POGK: variants seen among roughly 807,000 people sequenced by gnomAD.
The protein encoded by POGK is pogo transposable element with KRAB domain.
POGK carries 16 observed loss-of-function variants against 54.4 expected under a neutral mutation model. That is an observed-to-expected ratio of 0.29 (90% CI 0.20 to 0.45). POGK has a LOEUF of 0.45. POGK is among the 20% of genes least tolerant of loss of function. POGK has a pLI of 1.00. For synonymous variants in POGK, 271 were observed against 302.2 expected (o/e 0.90, Z 1.07); for missense variants, 515 against 795.6 (o/e 0.65, Z 4.24).
intron 2 of POGK, among the ~76,000 whole-genome samples, 177 bp from the exon 3 acceptor site, chr1:166,846,435 T>A (rs556746772): frequency 1.6e-4 from 25 of 152,332 alleles, no homozygotes; most frequent in Non-Finnish European, 3.1e-4. Flanking sequence ...GCTCTTGCCC[T>A]TGTTGGCTTC....
chr1:166,849,024 A>G lies in POGK; in HGVS notation c.445A>G (p.Ser149Gly), dbSNP rs1473163582. 6.2e-7 allele frequency: 1 copy of G among 1,614,188 alleles called. No homozygotes were observed. The highest frequency in any genetic ancestry group is 2.2e-5 in the East Asian group (1 of 44,870). ...GTTTCCTCAGCCTCAGCACTTTGAC[A>G]GCTTTGGCCTCCGTCTGCCTCGGGA... ...SQFPQPQHFD[S>G]FGLRLPRDIT... Residue 149 changes from serine (S) to glycine (G), a missense_variant, in exon 5 of 6, where the codon AGC becomes GGC. This residue lies in a region of POGK where 461 missense variants were observed against 743.5 expected (regional missense o/e 0.62). Coordinates refer to ENST00000367876, the MANE Select transcript of POGK (RefSeq NM_017542.5).
intron 2 of POGK, 108 bp downstream of exon 2, chr1:166,841,196 C>G: frequency 6.9e-7 from 1 of 1,442,352 alleles, no homozygotes; most frequent in South Asian, 1.4e-5. Context: ...AATAGCCCAG[C>G]CCGGTGTGTT....
chr1:166,853,185 C>G lies in POGK; in HGVS notation c.*615C>G, dbSNP rs1658143910. 1 of 152,612 alleles carries G rather than the reference C, an allele frequency of 6.6e-6. No homozygotes were observed. The highest frequency in any genetic ancestry group is 6.5e-5 in the Admixed American group (1 of 15,284). 9.5% of individuals were successfully genotyped at this position (152,612 alleles called of 1,614,324 possible). A position where few individuals can be genotyped will look rare whatever the true frequency, so the allele number is the denominator to read the frequency against. On this transcript the variant is annotated 3_prime_UTR_variant, in exon 6 of 6. Transcript: ENST00000367876. Reference sequence around the variant, plus strand: ...AAAATTAAGACATACTGGCCTGGTGCCAGCAGATGGCTTTTCTATAGACAA... The same window carrying G: ...AAAATTAAGACATACTGGCCTGGTGGCAGCAGATGGCTTTTCTATAGACAA...
chr1:166,851,011 GA>G (rs557780155), intron 5 of POGK: 13 of 152,344 alleles, frequency 8.5e-5, no homozygotes, highest in Admixed American at 8.5e-4. Flanking sequence ...AATGAACAAA[GA>G]ATGAGCTGCC....
chr1:166,839,689 C>G (rs1490316225), intron 1 of POGK, 85 bp downstream of exon 1: 2 of 124,374 alleles, frequency 1.6e-5, no homozygotes, highest in Non-Finnish European at 3.5e-5. Flanking sequence ...GCGGGGGCGC[C>G]GAGGCTGCGC....
chr1:166,849,654 C>A lies in POGK; in HGVS notation c.1075C>A (p.Gln359Lys). The part of the protein sequence containing the change: ...LRRAHDYEVA[Q>K]MGNADETPIC... Reference sequence around the variant, plus strand: ...CAGGGCGCATGACTATGAGGTAGCTCAGATGGGGAATGCAGATGAGACGCC... The same window carrying A: ...CAGGGCGCATGACTATGAGGTAGCTAAGATGGGGAATGCAGATGAGACGCC... Residue 359 changes from glutamine to lysine, a missense_variant, in exon 5 of 6, where the codon CAG becomes AAG. Physicochemically the swap from Gln to Lys is moderately conservative, Grantham distance 53. Coordinates refer to ENST00000367876, the MANE Select transcript of POGK (RefSeq NM_017542.5). 6.2e-7 allele frequency: 1 copy of A among 1,614,248 alleles called. No individual in the cohort carries two copies.
chr1:166,847,452 C>A, intron 3 of POGK, 42 bp from the exon 4 acceptor site: 1 of 1,473,748 alleles, frequency 6.8e-7, no homozygotes, highest in Non-Finnish European at 9.5e-7. Context: ...TGCTCCAGGA[C>A]AGTAACACAC....
In POGK at chr1:166,855,037, A is replaced by G. The variant is rs1571233904; in HGVS notation, c.*2467A>G. ...TAGGACACGGCATTTACCTGTGGTC[A>G]TCACTTCAGGCAATGGAAAGGAAAA... On this transcript the variant is annotated 3_prime_UTR_variant, in exon 6 of 6. Coordinates refer to ENST00000367876, the MANE Select transcript of POGK (RefSeq NM_017542.5). 1 of 150,778 alleles carries G rather than the reference A, an allele frequency of 6.6e-6. No individual in the cohort carries two copies. The highest frequency in any genetic ancestry group is 1.9e-4 in the East Asian group (1 of 5,192). The allele number at this position is 150,778 out of a possible 1,614,324, so 9.3% of individuals were successfully genotyped here. A position where few individuals can be genotyped will look rare whatever the true frequency, so the allele number is the denominator to read the frequency against.
chr1:166,850,434 A>G lies in POGK; in HGVS notation c.*14+11A>G. ...AAGGGAAAGGGAAAGGTAACCACTC[A>G]GGAGTAGATACTCAGTGCCTTTGCT... On this transcript the variant is annotated intron_variant, in intron 5 of 5. Coordinates refer to ENST00000367876, the MANE Select transcript of POGK (RefSeq NM_017542.5). The G allele has an allele frequency of 1.3e-6, 2 of 1,572,884 alleles. No homozygotes were observed. The highest frequency in any genetic ancestry group is 1.7e-6 in the Non-Finnish European group (2 of 1,165,594).
In POGK at chr1:166,853,114, T is replaced by G. The variant is rs1658142250; in HGVS notation, c.*544T>G. 1 of 152,606 alleles carries G rather than the reference T, an allele frequency of 6.6e-6. No homozygotes were observed. Among genetic ancestry groups the G allele is most frequent in the Non-Finnish European group, 1.5e-5 (1 of 68,048 alleles). 9.5% of individuals were successfully genotyped at this position (152,606 alleles called of 1,614,324 possible). A position where few individuals can be genotyped will look rare whatever the true frequency, so the allele number is the denominator to read the frequency against. Reference sequence around the variant, plus strand: ...TGTGTCACCTATGTACACCTGCTACTTACACATTTCCTCTTTTGGAAAAAT... The same window carrying G: ...TGTGTCACCTATGTACACCTGCTACGTACACATTTCCTCTTTTGGAAAAAT... On this transcript the variant is annotated 3_prime_UTR_variant, in exon 6 of 6. Coordinates refer to ENST00000367876, the MANE Select transcript of POGK (RefSeq NM_017542.5).
rs998195863 is a variant in POGK, at chr1:166,853,815, G to C, written c.*1245G>C. 2.0e-5 allele frequency: 3 copies of C among 151,986 alleles called. No individual in the cohort carries two copies. Among genetic ancestry groups the C allele is most frequent in the African/African-American group, 4.8e-5 (2 of 41,250 alleles). 9.4% of individuals were successfully genotyped at this position (151,986 alleles called of 1,614,324 possible). On this transcript the variant is annotated 3_prime_UTR_variant, in exon 6 of 6. Transcript: ENST00000367876. ...ATCTTGAAACACCTATTTCTACTCA[G>C]GTACTCATTGTCCTGTTACTGATTC...
At chr1:166,844,018 C>T (rs1005465936) in intron 2 of POGK, among the ~76,000 whole-genome samples, 2 of 152,240 alleles carry the variant, frequency 1.3e-5, no homozygotes, top group Non-Finnish European at 2.9e-5. Flanking sequence ...GGGAGGCCTG[C>T]GCAGCAGGGC....
At chr1:166,842,885 G>A (rs1469141865) in intron 2 of POGK, among the ~76,000 whole-genome samples, 1 of 151,932 alleles carries the variant, frequency 6.6e-6, no homozygotes, top group East Asian at 1.9e-4. Flanking sequence ...GAGGTAACTG[G>A]CCCAAAATGT....
Position 166,846,486 on chromosome 1 carries a change from T to TC in POGK, c.133-125dup. 2.4e-6 allele frequency: 3 copies of TC among 1,272,628 alleles called. No homozygotes were observed. In the South Asian group the frequency reaches 4.2e-5, roughly 18 times the overall value. 78.8% of individuals were successfully genotyped at this position (1,272,628 alleles called of 1,614,324 possible). ...TGTGGACAGTCCGTTTTCCCCTGGG[T>TC]CAGGGTCCCTCACCTGACCTGTGAG... On this transcript the variant is annotated intron_variant, in intron 2 of 5. Coordinates refer to ENST00000367876, the MANE Select transcript of POGK (RefSeq NM_017542.5).
At chr1:166,841,154 A>G in intron 2 of POGK, 66 bp downstream of exon 2, 1 of 1,589,064 alleles carries the variant, frequency 6.3e-7, no homozygotes, top group Non-Finnish European at 8.6e-7. Context: ...GCTTGCTTTA[A>G]GTCTCCTCCT....
chr1:166,847,474 A>G lies in POGK; in HGVS notation c.260-20A>G. 2 of 1,595,530 alleles carry G rather than the reference A, an allele frequency of 1.3e-6. No homozygotes were observed. The highest frequency in any genetic ancestry group is 1.7e-4 in the Middle Eastern group (1 of 5,942). ...GGACAGTAACACACAGCTGTTACCTATTTTATTTCCTATAAACAGAATTCC... is the reference window on the plus strand; with the variant it reads ...GGACAGTAACACACAGCTGTTACCTGTTTTATTTCCTATAAACAGAATTCC... On this transcript the variant is annotated intron_variant, in intron 3 of 5. Transcript: ENST00000367876.
At chr1:166,844,754 T>C (rs2101752717) in intron 2 of POGK, among the ~76,000 whole-genome samples, 2 of 152,268 alleles carry the variant, frequency 1.3e-5, no homozygotes, top group South Asian at 4.1e-4. Flanking sequence ...GCTCAGATTC[T>C]AGTGGAGGGA....
At position 166,839,531 on chromosome 1, in the gene POGK, G is replaced by A. The variant is rs1175522411; in HGVS notation, c.-76G>A. On this transcript the variant is annotated 5_prime_UTR_variant, in exon 1 of 6. Coordinates refer to ENST00000367876, the MANE Select transcript of POGK (RefSeq NM_017542.5). Reference sequence around the variant, plus strand: ...GCGCGCACGGGAGGACGGAGAGGCGGAAAGGATGGCGCTGTGACAGCCGGG... The same window carrying A: ...GCGCGCACGGGAGGACGGAGAGGCGAAAAGGATGGCGCTGTGACAGCCGGG... 6.6e-6 allele frequency: 1 copy of A among 151,412 alleles called. No individual in the cohort carries two copies. The highest frequency in any genetic ancestry group is 2.4e-5 in the African/African-American group (1 of 41,278). 9.4% of individuals were successfully genotyped at this position (151,412 alleles called of 1,614,324 possible). A position where few individuals can be genotyped will look rare whatever the true frequency, so the allele number is the denominator to read the frequency against.
chr1:166,840,833 C>T, intron 1 of POGK, 122 bp from the exon 2 acceptor site: 2 of 1,252,976 alleles, frequency 1.6e-6, no homozygotes, highest in Non-Finnish European at 2.2e-6. Flanking sequence ...TTCCTTACTT[C>T]CCTCCAGCGG....
Sources: gnomAD v4.1 joint callset for allele counts (sites outside exome capture counted in the v4.1 genomes callset) on GRCh38, gnomAD v4.1.1 for gene constraint, gnomAD v4.1.1 regional missense constraint, MANE v1.5 for transcripts, NCBI Gene and HGNC (gene_info 2026-07-23, HGNC 2026-07-21) for gene names.